The following SGCD variants were observed in gnomAD, a reference collection of about 807,000 sequenced individuals.
The protein encoded by SGCD is sarcoglycan delta, also known as delta-sarcoglycan.
SGCD carries 18 observed loss-of-function variants against 36.6 expected under a neutral mutation model. The ratio of observed to expected loss-of-function variants is 0.49; its 90% CI spans 0.34 to 0.73. SGCD has a LOEUF of 0.73. Ranked by LOEUF, SGCD falls within the 30% of genes least tolerant of loss-of-function variation. The probability of loss-of-function intolerance (pLI) is 0.01; values close to 1 mark genes in which losing one functional copy is unlikely to be tolerated. For synonymous variants in SGCD, 133 were observed against 130.6 expected, an observed-to-expected ratio of 1.02 and a Z score of -0.12; for missense variants, 387 against 346.7, an observed-to-expected ratio of 1.12 and a Z score of -0.92.
At chr5:155,987,457 A>G (rs986070985) in intron 1 of SGCD, among the ~76,000 whole-genome samples, 1 of 152,100 alleles carries the variant, frequency 6.6e-6, no homozygotes, top group African/African-American at 2.4e-5. Flanking sequence ...GGTGTTTGTT[A>G]CTCACAGTTT....
intron 3 of SGCD, among the ~76,000 whole-genome samples, chr5:156,402,675 C>T (rs1207359641): frequency 6.6e-6 from 1 of 152,186 alleles, no homozygotes; most frequent in East Asian, 1.9e-4. Flanking sequence ...CATCTTAAAT[C>T]TCCACCCAGG....
At chr5:156,199,436 C>T (rs1011196058) in intron 3 of SGCD, among the ~76,000 whole-genome samples, 2 of 152,132 alleles carry the variant, frequency 1.3e-5, no homozygotes, top group Non-Finnish European at 2.9e-5. Flanking sequence ...TAGTGCCCTA[C>T]ACATACTTGC....
intron 3 of SGCD, among the ~76,000 whole-genome samples, chr5:156,262,456 A>G (rs563437067): frequency 3.3e-5 from 5 of 152,144 alleles, no homozygotes; most frequent in Admixed American, 6.6e-5. Flanking sequence ...GGTGCACTCT[A>G]TGATGTTCGC....
intron 1 of SGCD, among the ~76,000 whole-genome samples, chr5:155,956,538 A>G (rs977516867): frequency 6.6e-6 from 1 of 152,266 alleles, no homozygotes; most frequent in African/African-American, 2.4e-5. Context: ...TAGGGCTGCC[A>G]TAACAAATTA....
intron 7 of SGCD, among the ~76,000 whole-genome samples, chr5:156,652,126 T>C (rs1763485220): frequency 6.6e-6 from 1 of 152,126 alleles, no homozygotes; most frequent in South Asian, 2.1e-4. Context: ...TTTATCTTTA[T>C]TGAAGTCATT....
At chr5:156,192,518 G>A (rs764228658) in intron 3 of SGCD, among the ~76,000 whole-genome samples, 1 of 152,022 alleles carries the variant, frequency 6.6e-6, no homozygotes, top group Non-Finnish European at 1.5e-5. Context: ...GTTAATGGAT[G>A]CAAACACAGA....
intron 1 of SGCD, among the ~76,000 whole-genome samples, chr5:155,887,842 C>A (rs1344577571): frequency 6.6e-6 from 1 of 152,166 alleles, no homozygotes; most frequent in African/African-American, 2.4e-5. Flanking sequence ...AGTAAAAATA[C>A]TAGCTAACAT....
chr5:156,509,648 T>C (rs965461085), intron 4 of SGCD, among the ~76,000 whole-genome samples: 1 of 152,214 alleles, frequency 6.6e-6, no homozygotes, highest in Non-Finnish European at 1.5e-5. Context: ...GCTTCATACT[T>C]GTAGCAGGAC....
intron 3 of SGCD, among the ~76,000 whole-genome samples, chr5:156,286,697 T>G (rs890445887): frequency 3.3e-5 from 5 of 151,990 alleles, no homozygotes; most frequent in African/African-American, 1.2e-4. Flanking sequence ...TGGGGAGGGA[T>G]AGCATTTGGA....
At chr5:156,238,585 G>A (rs1281064416) in intron 3 of SGCD, among the ~76,000 whole-genome samples, 1 of 152,198 alleles carries the variant, frequency 6.6e-6, no homozygotes, top group Non-Finnish European at 1.5e-5. Context: ...CGAAATGTGG[G>A]TAGAAACTGA....
At chr5:156,753,854 A>G (rs571885015) in intron 7 of SGCD, among the ~76,000 whole-genome samples, 1 of 152,274 alleles carries the variant, frequency 6.6e-6, no homozygotes, top group Non-Finnish European at 1.5e-5. Flanking sequence ...GGGAACTACA[A>G]TTCAAGATGA....
chr5:156,385,657 C>G (rs1771236891), intron 3 of SGCD, among the ~76,000 whole-genome samples: 1 of 152,152 alleles, frequency 6.6e-6, no homozygotes, highest in Non-Finnish European at 1.5e-5. Context: ...AAGAGCTTAT[C>G]TGGGCCTGCA....
In SGCD at chr5:156,589,329, G is replaced by A. The variant is rs1760629317; in HGVS notation, c.382+11G>A. On this transcript the variant is annotated intron_variant, in intron 5 of 8. Coordinates refer to ENST00000337851, the MANE Select transcript of SGCD (RefSeq NM_000337.6). ...CTCAGCTTATAACAGGTAAGAAAAG[G>A]GAGAACTTAACAGTGCCTAGCCCAT... 7 of 1,517,702 alleles carry A rather than the reference G, an allele frequency of 4.6e-6. No individual in the cohort carries two copies. The highest frequency in any genetic ancestry group is 6.3e-6 in the Non-Finnish European group (7 of 1,111,722). 94.0% of individuals were successfully genotyped at this position (1,517,702 alleles called of 1,614,324 possible). A position where few individuals can be genotyped will look rare whatever the true frequency, so the allele number is the denominator to read the frequency against.
chr5:156,752,496 A>G (rs1757182833), intron 7 of SGCD, among the ~76,000 whole-genome samples: 1 of 152,062 alleles, frequency 6.6e-6, no homozygotes, highest in South Asian at 2.1e-4. Flanking sequence ...GGGTTCAAGC[A>G]ATTCTCTTGC....
chr5:155,947,234 G>A (rs1294593666), intron 1 of SGCD, among the ~76,000 whole-genome samples: 9 of 151,398 alleles, frequency 5.9e-5, no homozygotes, highest in Middle Eastern at 3.4e-3. Context: ...TATTAGCCCC[G>A]CTTAGCAGAT....
At chr5:155,967,787 T>C (rs1757931806) in intron 1 of SGCD, among the ~76,000 whole-genome samples, 1 of 152,146 alleles carries the variant, frequency 6.6e-6, no homozygotes, top group African/African-American at 2.4e-5. Flanking sequence ...CCTCAACCCA[T>C]TTCCTCTTAA....
At chr5:155,917,396 G>C (rs1216429370) in intron 1 of SGCD, among the ~76,000 whole-genome samples, 2 of 152,168 alleles carry the variant, frequency 1.3e-5, no homozygotes, top group Non-Finnish European at 2.9e-5. Context: ...TGCATATAAA[G>C]CATCTGACAT....
intron 3 of SGCD, among the ~76,000 whole-genome samples, chr5:156,244,920 T>C (rs1356841869): frequency 6.6e-6 from 1 of 152,186 alleles, no homozygotes; most frequent in East Asian, 1.9e-4. Flanking sequence ...TACTAACAGA[T>C]TACTTAGAAT....
intron 1 of SGCD, among the ~76,000 whole-genome samples, chr5:155,906,314 A>C (rs1384103805): frequency 1.3e-5 from 2 of 152,076 alleles, no homozygotes; most frequent in African/African-American, 4.8e-5. Context: ...ACACTAGGCC[A>C]ATTAATAACC....
Sources: gnomAD v4.1 joint callset for allele counts (sites outside exome capture counted in the v4.1 genomes callset) on GRCh38, gnomAD v4.1.1 for gene constraint, MANE v1.5 for transcripts, NCBI Gene and HGNC (gene_info 2026-07-23, HGNC 2026-07-21) for gene names.